Variants in CACNA2D3 observed in about 807,000 individuals in gnomAD.
The protein encoded by CACNA2D3 is voltage-dependent calcium channel subunit alpha-2/delta-3.
In CACNA2D3, 60 loss-of-function variants were observed where a neutral mutation model predicts 160.6. The ratio of observed to expected loss-of-function variants is 0.37; its 90% confidence interval spans 0.30 to 0.46. The LOEUF (loss-of-function observed/expected upper bound fraction) is 0.46. Ranked by LOEUF, CACNA2D3 falls within the 20% of genes least tolerant of loss-of-function variation. The pLI, the probability that CACNA2D3 is intolerant of heterozygous loss-of-function variation, is 1.00. For synonymous variants in CACNA2D3, 558 were observed against 492.9 expected, an observed-to-expected ratio of 1.13 and a Z score of -1.75; for missense variants, 1,205 against 1,365.0, an observed-to-expected ratio of 0.88 and a Z score of 1.85.
intron 12 of CACNA2D3, among the ~76,000 whole-genome samples, chr3:54,754,774 G>C (rs1701940151): frequency 2.0e-5 from 3 of 152,178 alleles, no homozygotes; most frequent in Admixed American, 2.0e-4. Context: ...GTGGAGAAAA[G>C]AGGACTCAGT....
chr3:54,899,954 A>G (rs1476842461), intron 27 of CACNA2D3, 86 bp downstream of exon 27: 1 of 932,384 alleles, frequency 1.1e-6, no homozygotes, highest in East Asian at 2.6e-5. Context: ...AGGCACGCTT[A>G]TCCTCCAAAA....
intron 4 of CACNA2D3, among the ~76,000 whole-genome samples, chr3:54,408,103 T>G (rs1246089562): frequency 1.3e-5 from 2 of 152,206 alleles, no homozygotes; most frequent in Non-Finnish European, 2.9e-5. Context: ...AAAGATGTGA[T>G]GATGTAAGTA....
At chr3:55,033,801 TAATATGTATTATATA>T (rs1354657715) in intron 35 of CACNA2D3, among the ~76,000 whole-genome samples, 2 of 126,582 alleles carry the variant, frequency 1.6e-5, no homozygotes, top group African/African-American at 6.6e-5. Flanking sequence ...ATATTTTATA[TAATATGTATTATATA>T]TTAAATATAT....
intron 2 of CACNA2D3, among the ~76,000 whole-genome samples, chr3:54,302,038 T>C (rs1345628172): frequency 6.6e-6 from 1 of 152,218 alleles, no homozygotes; most frequent in Non-Finnish European, 1.5e-5. Context: ...TGCCTCACGT[T>C]GTTACTTTTC....
intron 5 of CACNA2D3, among the ~76,000 whole-genome samples, chr3:54,519,467 T>C (rs1307964012): frequency 6.6e-6 from 1 of 152,154 alleles, no homozygotes; most frequent in Non-Finnish European, 1.5e-5. Context: ...AATCAAAACC[T>C]ATAGACTAAC....
chr3:54,190,807 G>GT (rs904322002), intron 2 of CACNA2D3, among the ~76,000 whole-genome samples: 31 of 152,284 alleles, frequency 2.0e-4, no homozygotes, highest in African/African-American at 7.5e-4. Context: ...AGAACACAGG[G>GT]TGTTGGGGTC....
chr3:54,262,433 G>A (rs1702418943), intron 2 of CACNA2D3, among the ~76,000 whole-genome samples: 1 of 152,134 alleles, frequency 6.6e-6, no homozygotes, highest in South Asian at 2.1e-4. Context: ...GTCGAAGGCA[G>A]GCATTTATTC....
intron 4 of CACNA2D3, among the ~76,000 whole-genome samples, chr3:54,479,344 G>A (rs1306420895): frequency 6.6e-6 from 1 of 152,168 alleles, no homozygotes; most frequent in Non-Finnish European, 1.5e-5. Context: ...GCGTGAGAAT[G>A]AACTAATACA....
At chr3:54,879,161 A>T (rs560179620) in intron 19 of CACNA2D3, 72 bp downstream of exon 19, 1 of 1,029,678 alleles carries the variant, frequency 9.7e-7, no homozygotes, top group South Asian at 1.5e-5. Flanking sequence ...TTTGAAAGCT[A>T]TATCTGGAAT....
At chr3:55,036,487 A>G (rs1241921717) in intron 35 of CACNA2D3, among the ~76,000 whole-genome samples, 3 of 151,126 alleles carry the variant, frequency 2.0e-5, no homozygotes, top group African/African-American at 7.3e-5. Context: ...TATTTTTTTG[A>G]GACGGAGTCT....
chr3:54,977,989 GTA>G, intron 29 of CACNA2D3, among the ~76,000 whole-genome samples: 1 of 152,104 alleles, frequency 6.6e-6, no homozygotes, highest in Non-Finnish European at 1.5e-5. Flanking sequence ...ACCGTATAGG[GTA>G]TCTTCCTGAC....
intron 11 of CACNA2D3, among the ~76,000 whole-genome samples, chr3:54,736,902 T>C (rs1317962148): frequency 6.6e-6 from 1 of 152,202 alleles, no homozygotes; most frequent in East Asian, 1.9e-4. Context: ...TAAATAAGAA[T>C]GATGACAGTG....
At chr3:54,563,626 G>T (rs1702362245) in intron 6 of CACNA2D3, among the ~76,000 whole-genome samples, 1 of 152,172 alleles carries the variant, frequency 6.6e-6, no homozygotes, top group Admixed American at 6.6e-5. Context: ...TTTTAATTTT[G>T]CTTACAAGTT....
chr3:54,304,783 T>A (rs1703558774), intron 2 of CACNA2D3, among the ~76,000 whole-genome samples: 1 of 152,200 alleles, frequency 6.6e-6, no homozygotes, highest in Non-Finnish European at 1.5e-5. Context: ...CATTTTAGGT[T>A]TTATGTTTCC....
chr3:54,960,671 CA>C (rs1702010631), intron 27 of CACNA2D3, among the ~76,000 whole-genome samples: 1 of 152,182 alleles, frequency 6.6e-6, no homozygotes, highest in Non-Finnish European at 1.5e-5. Context: ...CCCAGGGGGA[CA>C]AGAGTGCAGC....
At chr3:54,420,121 G>T (rs112731678) in intron 4 of CACNA2D3, among the ~76,000 whole-genome samples, 1,768 of 151,784 alleles carry the variant, frequency 0.012, 23 homozygotes, top group Non-Finnish European at 0.018. Flanking sequence ...GTCTCGCTCT[G>T]TCGCCCAGGC....
rs1197504660 is a variant in CACNA2D3 at position 55,073,757 on chromosome 3, A to G, written c.3101-20A>G. 5 of 1,601,044 alleles carry G rather than the reference A, an allele frequency of 3.1e-6. No individual in the cohort carries two copies. Among genetic ancestry groups the G allele is most frequent in the African/African-American group, 1.3e-5 (1 of 74,586 alleles). On this transcript the variant is annotated intron_variant, in intron 36 of 37. Coordinates refer to ENST00000474759, the MANE Select transcript of CACNA2D3 (RefSeq NM_018398.3). ...GTAGAAAAAAGCAATCCTTGGAAAC[A>G]TGCCTTAACTACAGTCAACATAATG... is the stretch of plus-strand genomic sequence containing the variant.
intron 11 of CACNA2D3, among the ~76,000 whole-genome samples, chr3:54,649,781 G>T (rs1184425311): frequency 2.6e-5 from 4 of 152,178 alleles, no homozygotes; most frequent in Non-Finnish European, 4.4e-5. Context: ...TGCAGGCTAG[G>T]ATTTCAACAT....
intron 31 of CACNA2D3, among the ~76,000 whole-genome samples, chr3:54,991,533 A>G (rs1441540177): frequency 6.6e-6 from 1 of 152,094 alleles, no homozygotes; most frequent in Non-Finnish European, 1.5e-5. Context: ...TCTTGCAACT[A>G]TGAAGAGAAA....
Sources: gnomAD v4.1 joint callset for allele counts (sites outside exome capture counted in the v4.1 genomes callset) on GRCh38, gnomAD v4.1.1 for gene constraint, MANE v1.5 for transcripts, NCBI Gene and HGNC (gene_info 2026-07-23, HGNC 2026-07-21) for gene names.